DLEU7: variants seen among roughly 807,000 people sequenced by gnomAD.
The protein encoded by DLEU7 is deleted in lymphocytic leukemia 7, also known as leukemia-associated protein 7.
In DLEU7, 17 loss-of-function variants were observed where a neutral mutation model predicts 16.0. The ratio of observed to expected loss-of-function variants is 1.06; its 90% CI spans 0.73 to 1.59. The LOEUF is 1.59. Among genes scored for constraint, DLEU7 ranks in the 40% most tolerant of loss-of-function variants. The probability of loss-of-function intolerance (pLI) is 0.00; values close to 1 mark genes in which losing one functional copy is unlikely to be tolerated. For missense variants in DLEU7, 308 were observed against 314.9 expected (o/e 0.98, Z 0.17); for synonymous variants, 113 against 139.8 (o/e 0.81, Z 1.35).
chr13:50,719,572 T>A (rs903527185), intron 1 of DLEU7: 3 of 150,756 alleles, frequency 2.0e-5, no homozygotes, highest in Non-Finnish European at 4.5e-5. Context: ...GCAGCTGTTA[T>A]GTTTGAATGT....
intron 1 of DLEU7, among the ~76,000 whole-genome samples, chr13:50,734,702 G>A (rs1477369020): frequency 6.6e-6 from 1 of 152,152 alleles, no homozygotes; most frequent in African/African-American, 2.4e-5. Context: ...GAACAACAAT[G>A]AAGTCCCAGG....
chr13:50,762,713 C>G (rs1874973421), intron 1 of DLEU7, among the ~76,000 whole-genome samples: 1 of 151,770 alleles, frequency 6.6e-6, no homozygotes, highest in South Asian at 2.1e-4. Flanking sequence ...TCTTCCTACC[C>G]CAGGCCACCC....
In DLEU7 at chr13:50,738,926, C is replaced by T. The variant is rs1374905761; in HGVS notation, c.460-25686G>A. 3.3e-5 allele frequency among the ~76,000 whole-genome samples: 5 copies of T among 151,676 alleles called. No individual in the cohort carries two copies. The South Asian group carries it at 1.0e-3, about 32-fold the overall frequency. On this transcript the variant is annotated intron_variant, in intron 1 of 1. Coordinates refer to the DLEU7 transcript ENST00000400393. ...CCCTTTCTACCTCTCTATCCTCATT[C>T]TGGACATCTCCCAGTGAGCAGCCTC...
intron 1 of DLEU7, among the ~76,000 whole-genome samples, chr13:50,801,254 C>T (rs972490707): frequency 3.3e-5 from 5 of 152,110 alleles, no homozygotes; most frequent in African/African-American, 7.2e-5. Context: ...GCAAAGTGAG[C>T]TCTCGGTAGC....
chr13:50,760,671 A>G (rs1341986350), intron 1 of DLEU7, among the ~76,000 whole-genome samples: 1 of 152,188 alleles, frequency 6.6e-6, no homozygotes, highest in African/African-American at 2.4e-5. Flanking sequence ...CCAATTTTCT[A>G]ATAGTAAAAC....
At chr13:50,722,271 T>C (rs1388665089) in intron 1 of DLEU7, among the ~76,000 whole-genome samples, 5 of 152,222 alleles carry the variant, frequency 3.3e-5, no homozygotes, top group Non-Finnish European at 5.9e-5. Flanking sequence ...TGGGCTCCTG[T>C]GTTTCTGTAT....
At chr13:50,749,493 C>T (rs1243978734) in intron 1 of DLEU7, among the ~76,000 whole-genome samples, 2 of 152,140 alleles carry the variant, frequency 1.3e-5, no homozygotes, top group African/African-American at 2.4e-5. Flanking sequence ...TCTACTTTTA[C>T]TTCTTTAAGG....
downstream of DLEU7, among the ~76,000 whole-genome samples, chr13:50,820,870 T>C (rs1299959590): frequency 6.6e-6 from 1 of 152,200 alleles, no homozygotes; most frequent in African/African-American, 2.4e-5. Flanking sequence ...CAAAATATTA[T>C]CATTTCAACA....
intron 1 of DLEU7, among the ~76,000 whole-genome samples, chr13:50,841,414 C>T (rs1293699215): frequency 6.6e-6 from 1 of 151,912 alleles, no homozygotes; most frequent in Non-Finnish European, 1.5e-5. Flanking sequence ...TTAAAGGCTG[C>T]CTCCTCTGAG....
downstream of DLEU7, among the ~76,000 whole-genome samples, chr13:50,819,486 G>C (rs1269870752): frequency 6.6e-6 from 1 of 152,126 alleles, no homozygotes; most frequent in African/African-American, 2.4e-5. Flanking sequence ...GAAATACTAT[G>C]ACCCCTCAGA....
At chr13:50,751,373 G>A (rs965591266) in intron 1 of DLEU7, among the ~76,000 whole-genome samples, 1 of 152,106 alleles carries the variant, frequency 6.6e-6, no homozygotes, top group African/African-American at 2.4e-5. Context: ...TTCATCAGGC[G>A]TATCAGTCTG....
chr13:50,769,556 A>G lies in DLEU7; in HGVS notation c.460-56316T>C, dbSNP rs192212337. Among the ~76,000 whole-genome samples the G allele has an allele frequency of 6.2e-3, 943 of 152,272 alleles. 13 individuals carry two copies. Among genetic ancestry groups the G allele is most frequent in the African/African-American group, 0.02 (848 of 41,548 alleles). On this transcript the variant is annotated intron_variant, in intron 1 of 1. Coordinates refer to the DLEU7 transcript ENST00000400393. Reference sequence around the variant, plus strand: ...TTATTAAATAGGGAGTCCTTTCCCCATTTCTTATTTTTGTCAGGTTTGTCA... The same window carrying G: ...TTATTAAATAGGGAGTCCTTTCCCCGTTTCTTATTTTTGTCAGGTTTGTCA...
chr13:50,735,639 A>G (rs1874047355), intron 1 of DLEU7, among the ~76,000 whole-genome samples: 1 of 152,142 alleles, frequency 6.6e-6, no homozygotes, highest in East Asian at 1.9e-4. Context: ...TCCAGTATCT[A>G]TAAGGAACTT....
chr13:50,843,578 C>T lies in DLEU7; in HGVS notation c.69G>A (p.Leu23=). The change falls in exon 1 of 2, where the codon CTG becomes CTA. Residue 23 remains leucine (L), a synonymous_variant. Coordinates refer to ENST00000504404, the MANE Select transcript of DLEU7 (RefSeq NM_001306135.2). This position sits in a 1 kb window ranked among gnomAD's most constrained non-coding sequence, Gnocchi z 5.7. The part of the protein sequence containing the change: ...HQMVALQTLQ[L]LQQEWGWGDG... ...CCCCCCAGCCCCACTCCTGCTGCAG[C>T]AGCTGCAAGGTCTGCAGAGCCACCA... 2 of 1,495,504 alleles carry T rather than the reference C, an allele frequency of 1.3e-6. No homozygotes were observed. The highest frequency in any genetic ancestry group is 1.8e-6 in the Non-Finnish European group (2 of 1,129,828). 92.6% of individuals were successfully genotyped at this position (1,495,504 alleles called of 1,614,324 possible). A position where few individuals can be genotyped will look rare whatever the true frequency, so the allele number is the denominator to read the frequency against.
At position 50,734,149 on chromosome 13, in the gene DLEU7, C is replaced by A. The variant is rs190946453; in HGVS notation, c.460-20909G>T. Among the ~76,000 whole-genome samples the A allele has an allele frequency of 2.9e-3, 438 of 152,300 alleles. 1 individual carries two copies. The highest frequency in any genetic ancestry group is 8.1e-3 in the African/African-American group (335 of 41,568). On this transcript the variant is annotated intron_variant, in intron 1 of 1. Coordinates refer to the DLEU7 transcript ENST00000400393. ...GCACTAGGCTCCGCAAATTAGGAGT[C>A]CTGCTCTTCTACTCCTGCCAGAAAC... is the stretch of plus-strand genomic sequence containing the variant.
At chr13:50,748,228 C>CTTTTTTTTTTTTTTTTT (rs71085044) in intron 1 of DLEU7, among the ~76,000 whole-genome samples, 4 of 89,252 alleles carry the variant, frequency 4.5e-5, no homozygotes, top group East Asian at 3.9e-4. Context: ...ACTCCTTAAA[C>CTTTTTTTTTTTTTTTTT]TTTTTTTTTT....
At chr13:50,839,601 A>G (rs1029378822) in intron 1 of DLEU7, among the ~76,000 whole-genome samples, 1 of 152,192 alleles carries the variant, frequency 6.6e-6, no homozygotes, top group Admixed American at 6.5e-5. Context: ...ACTAGGCATG[A>G]GGCTAAAGCT....
intron 1 of DLEU7, among the ~76,000 whole-genome samples, chr13:50,756,160 G>A (rs1003077157): frequency 1.3e-5 from 2 of 152,184 alleles, no homozygotes; most frequent in Non-Finnish European, 2.9e-5. Context: ...TAGCTTTTTG[G>A]TGGTTTAATG....
chr13:50,777,335 A>G lies in DLEU7; in HGVS notation c.460-64095T>C, dbSNP rs192538995. Among the ~76,000 whole-genome samples, 136 of 152,314 alleles carry G rather than the reference A, an allele frequency of 8.9e-4. 1 individual carries two copies. The South Asian group carries it at 0.024, about 27-fold the overall frequency. ...CCCACCCTTAATCTGGGTGGGCACC[A>G]TCTAATCAGCTGCCAGCATGGCCCG... On this transcript the variant is annotated intron_variant, in intron 1 of 1. Coordinates refer to the DLEU7 transcript ENST00000400393.
Sources: allele counts gnomAD v4.1 joint callset (sites outside exome capture counted in the v4.1 genomes callset), GRCh38; gene constraint gnomAD v4.1.1; non-coding constraint Gnocchi (gnomAD v3.1); transcripts MANE v1.5; gene names NCBI Gene and HGNC (gene_info 2026-07-23, HGNC 2026-07-21).